DSCAM: variants seen among roughly 807,000 people sequenced by gnomAD.
DSCAM encodes DS cell adhesion molecule, also known as cell adhesion molecule DSCAM.
DSCAM carries 47 observed loss-of-function variants against 217.7 expected under a neutral mutation model. The ratio of observed to expected loss-of-function variants is 0.22; its 90% CI spans 0.17 to 0.28. The LOEUF (loss-of-function observed/expected upper bound fraction) is 0.28. Among genes scored for constraint, DSCAM ranks in the 10% least tolerant of loss-of-function variants. The probability of loss-of-function intolerance (pLI) is 1.00; values close to 1 mark genes in which losing one functional copy is unlikely to be tolerated. For synonymous variants in DSCAM, 1,056 were observed against 1,015.3 expected (o/e 1.04, Z -0.76); for missense variants, 2,080 against 2,618.3 (o/e 0.79, Z 4.49).
intron 3 of DSCAM, among the ~76,000 whole-genome samples, chr21:40,629,230 C>G (rs1178512415): frequency 2.6e-5 from 4 of 152,146 alleles, no homozygotes; most frequent in Non-Finnish European, 4.4e-5. Flanking sequence ...AGTCATGGGT[C>G]AAACCATTTG....
At chr21:40,663,472 A>G (rs1334991739) in intron 3 of DSCAM, among the ~76,000 whole-genome samples, 1 of 152,102 alleles carries the variant, frequency 6.6e-6, no homozygotes, top group African/African-American at 2.4e-5. Flanking sequence ...GTACATCTAT[A>G]GACTTTGTCT....
chr21:40,495,417 C>A (rs1165179636), intron 3 of DSCAM, among the ~76,000 whole-genome samples: 1 of 152,114 alleles, frequency 6.6e-6, no homozygotes, highest in Non-Finnish European at 1.5e-5. Flanking sequence ...ACCACATTAC[C>A]ACAATGAAGG....
intron 1 of DSCAM, among the ~76,000 whole-genome samples, chr21:40,813,594 T>C (rs781052125): frequency 2.6e-4 from 40 of 152,126 alleles, no homozygotes; most frequent in Non-Finnish European, 5.6e-4. Flanking sequence ...GAGCAGATTA[T>C]TTGATTTCCA....
chr21:40,382,601 A>C lies in DSCAM; in HGVS notation c.509-13356T>G, dbSNP rs1030170879. On this transcript the variant is annotated intron_variant, in intron 3 of 32. Coordinates refer to ENST00000400454, the MANE Select transcript of DSCAM (RefSeq NM_001389.5). ...TTTACTGAGCTATCCATACAAATGTACATGCAAATATGTATACTTACAAGA... is the reference window on the plus strand; with the variant it reads ...TTTACTGAGCTATCCATACAAATGTCCATGCAAATATGTATACTTACAAGA... 7.9e-5 allele frequency among the ~76,000 whole-genome samples: 12 copies of C among 152,352 alleles called. 1 individual carries two copies. The highest frequency in any genetic ancestry group is 2.9e-4 in the African/African-American group (12 of 41,584).
At chr21:40,845,077 C>A (rs963786402) in intron 1 of DSCAM, among the ~76,000 whole-genome samples, 1 of 152,180 alleles carries the variant, frequency 6.6e-6, no homozygotes, top group Admixed American at 6.5e-5. Flanking sequence ...CACATCTCCG[C>A]ATGTTCCCTA....
intron 3 of DSCAM, among the ~76,000 whole-genome samples, chr21:40,647,886 A>G (rs2089966068): frequency 6.6e-6 from 1 of 152,208 alleles, no homozygotes; most frequent in African/African-American, 2.4e-5. Context: ...GATGCTGGGA[A>G]TGATTCACCC....
At chr21:40,082,120 T>A (rs532708415) in intron 24 of DSCAM, among the ~76,000 whole-genome samples, 1 of 152,310 alleles carries the variant, frequency 6.6e-6, no homozygotes, top group South Asian at 2.1e-4. Flanking sequence ...CTTATGTTAC[T>A]GGTAATCTGT....
intron 32 of DSCAM, among the ~76,000 whole-genome samples, chr21:40,020,476 T>C (rs899279860): frequency 2.0e-5 from 3 of 151,600 alleles, no homozygotes; most frequent in Non-Finnish European, 4.4e-5. Context: ...CTGAGTGCAA[T>C]AAGACAGCAA....
chr21:40,672,950 T>C (rs2090294522), intron 3 of DSCAM, among the ~76,000 whole-genome samples: 1 of 152,156 alleles, frequency 6.6e-6, no homozygotes, highest in South Asian at 2.1e-4. Flanking sequence ...TCCCCCGCAC[T>C]TTTCTCCACA....
chr21:40,719,205 A>G (rs898451253), intron 1 of DSCAM, among the ~76,000 whole-genome samples: 1 of 152,200 alleles, frequency 6.6e-6, no homozygotes, highest in Admixed American at 6.5e-5. Flanking sequence ...GCACATTAAA[A>G]AGTGCTTCAA....
At chr21:40,682,074 T>C (rs1309755536) in intron 3 of DSCAM, among the ~76,000 whole-genome samples, 1 of 152,140 alleles carries the variant, frequency 6.6e-6, no homozygotes, top group African/African-American at 2.4e-5. Context: ...CATGGTATTT[T>C]TTTTTTGTAG....
intron 3 of DSCAM, among the ~76,000 whole-genome samples, chr21:40,672,834 T>C (rs73905046): frequency 0.016 from 2,457 of 152,118 alleles, 61 homozygotes; most frequent in African/African-American, 0.056. Flanking sequence ...TACCAAAGCT[T>C]CCCCAAACAT....
intron 11 of DSCAM, among the ~76,000 whole-genome samples, chr21:40,224,925 T>C (rs981914425): frequency 2.6e-5 from 4 of 152,206 alleles, no homozygotes; most frequent in Non-Finnish European, 5.9e-5. Flanking sequence ...GAACATTCAA[T>C]CCCACATGTA....
intron 11 of DSCAM, among the ~76,000 whole-genome samples, chr21:40,215,913 G>A (rs1216097463): frequency 6.7e-6 from 1 of 149,324 alleles, no homozygotes; most frequent in Non-Finnish European, 1.5e-5. Flanking sequence ...GTATAAAAAA[G>A]GTGAAACTGC....
At position 40,381,782 on chromosome 21, in the gene DSCAM, C is replaced by T. The variant is rs1031079646; in HGVS notation, c.509-12537G>A. Among the ~76,000 whole-genome samples the T allele has an allele frequency of 2.6e-5, 4 of 152,138 alleles. 1 individual carries two copies. Among genetic ancestry groups the T allele is most frequent in the African/African-American group, 9.7e-5 (4 of 41,422 alleles). On this transcript the variant is annotated intron_variant, in intron 3 of 32. Coordinates refer to ENST00000400454, the MANE Select transcript of DSCAM (RefSeq NM_001389.5). ...GTTTTTCACACTTTGGGTTCACCTA[C>T]TAATAGGTTGTGAAATCAGTTTCAT...
chr21:40,027,684 C>A (rs2088420018), intron 32 of DSCAM, among the ~76,000 whole-genome samples: 1 of 22,318 alleles, frequency 4.5e-5, no homozygotes, highest in African/African-American at 2.1e-4. Context: ...CCTGAGGCTT[C>A]TGCATTCTTC....
chr21:40,414,486 A>T (rs1195555795), intron 3 of DSCAM, among the ~76,000 whole-genome samples: 1 of 152,238 alleles, frequency 6.6e-6, no homozygotes, highest in Non-Finnish European at 1.5e-5. Context: ...AAGAACTGAG[A>T]CAACTAAACT....
chr21:40,420,222 A>AT (rs145556796), intron 3 of DSCAM, among the ~76,000 whole-genome samples: 25,422 of 152,058 alleles, frequency 0.17, 2,216 homozygotes, highest in Middle Eastern at 0.25. Context: ...AACAATGCCA[A>AT]TTTTCATTTT....
At chr21:40,360,579 C>G (rs1270681583) in intron 4 of DSCAM, among the ~76,000 whole-genome samples, 1 of 152,042 alleles carries the variant, frequency 6.6e-6, no homozygotes, top group Non-Finnish European at 1.5e-5. Flanking sequence ...GTTTTCTGTT[C>G]CTATGTTAAT....
Sources: allele counts gnomAD v4.1 joint callset (sites outside exome capture counted in the v4.1 genomes callset), GRCh38; gene constraint gnomAD v4.1.1; transcripts MANE v1.5; gene names NCBI Gene and HGNC (gene_info 2026-07-23, HGNC 2026-07-21).